The following GNAQ variants were observed in gnomAD, a reference collection of about 807,000 sequenced individuals.
GNAQ encodes guanine nucleotide-binding protein G(q) subunit alpha.
In GNAQ, 8 loss-of-function variants were observed where a neutral mutation model predicts 43.9. That is an observed-to-expected ratio of 0.18 (90% confidence interval 0.11 to 0.33). GNAQ has a LOEUF of 0.33. GNAQ is among the 10% of genes least tolerant of loss of function. The pLI is 1.00. For synonymous variants in GNAQ, 155 were observed against 170.7 expected (o/e 0.91, Z 0.71); for missense variants, 158 against 450.8 (o/e 0.35, Z 5.88).
At chr9:77,957,468 C>T (rs897505677) in intron 1 of GNAQ, among the ~76,000 whole-genome samples, 7 of 152,154 alleles carry the variant, frequency 4.6e-5, no homozygotes, top group Non-Finnish European at 7.3e-5. Context: ...GCATTCATTA[C>T]GTAACTTTGC....
intron 2 of GNAQ, among the ~76,000 whole-genome samples, chr9:77,859,249 A>G (rs1827806640): frequency 6.6e-6 from 1 of 152,246 alleles, no homozygotes; most frequent in Non-Finnish European, 1.5e-5. Context: ...CTGCTGATGA[A>G]TAACAAAATG....
At chr9:77,743,406 T>C (rs1286012969) in intron 5 of GNAQ, among the ~76,000 whole-genome samples, 1 of 151,950 alleles carries the variant, frequency 6.6e-6, no homozygotes, top group African/African-American at 2.4e-5. Context: ...AGAATGGAAA[T>C]AGGTGGGAAA....
At chr9:78,020,522 C>A (rs1823895250) in intron 1 of GNAQ, among the ~76,000 whole-genome samples, 1 of 152,156 alleles carries the variant, frequency 6.6e-6, no homozygotes, top group Non-Finnish European at 1.5e-5. Flanking sequence ...CATCTCCCAA[C>A]CCACCATCTG....
At chr9:77,869,450 T>C (rs1325958000) in intron 2 of GNAQ, among the ~76,000 whole-genome samples, 3 of 152,204 alleles carry the variant, frequency 2.0e-5, no homozygotes, top group Admixed American at 6.5e-5. Flanking sequence ...AAAGGTTAAA[T>C]AAATTTAATC....
intron 5 of GNAQ, among the ~76,000 whole-genome samples, chr9:77,785,112 G>T (rs540971716): frequency 1.3e-5 from 2 of 152,188 alleles, no homozygotes; most frequent in Admixed American, 1.3e-4. Flanking sequence ...TATCAAGAGG[G>T]TCTTTGCTGT....
chr9:77,925,944 A>C (rs936823122), intron 1 of GNAQ, among the ~76,000 whole-genome samples: 1 of 152,186 alleles, frequency 6.6e-6, no homozygotes, highest in Admixed American at 6.5e-5. Flanking sequence ...ATAATACCTA[A>C]TACAATGTAA....
At chr9:77,845,612 G>C (rs1827572485) in intron 2 of GNAQ, among the ~76,000 whole-genome samples, 1 of 152,034 alleles carries the variant, frequency 6.6e-6, no homozygotes, top group African/African-American at 2.4e-5. Context: ...TCACTATAAG[G>C]CTTGTATCTA....
intron 1 of GNAQ, among the ~76,000 whole-genome samples, chr9:77,962,166 T>C (rs375693180): frequency 1.3e-5 from 2 of 151,856 alleles, no homozygotes; most frequent in African/African-American, 4.8e-5. Context: ...AAACGAGCAG[T>C]CTCAGTGTGG....
intron 5 of GNAQ, among the ~76,000 whole-genome samples, chr9:77,743,086 C>T (rs1360332139): frequency 1.3e-5 from 2 of 152,026 alleles, no homozygotes; most frequent in African/African-American, 2.4e-5. Flanking sequence ...GGTGAAACCC[C>T]GTCTCTACTA....
chr9:77,969,625 C>T (rs1039115415), intron 1 of GNAQ, among the ~76,000 whole-genome samples: 1 of 152,148 alleles, frequency 6.6e-6, no homozygotes, highest in Non-Finnish European at 1.5e-5. Flanking sequence ...TTTTAAATAT[C>T]GCACAGCAAA....
At chr9:77,861,763 G>A (rs1309799721) in intron 2 of GNAQ, among the ~76,000 whole-genome samples, 1 of 152,180 alleles carries the variant, frequency 6.6e-6, no homozygotes, top group African/African-American at 2.4e-5. Context: ...CACACTTTGG[G>A]AGGCTGAGGC....
intron 6 of GNAQ, among the ~76,000 whole-genome samples, chr9:77,726,963 G>T (rs902893685): frequency 1.9e-4 from 29 of 152,170 alleles, no homozygotes; most frequent in African/African-American, 7.0e-4. Context: ...TGCTGTTATG[G>T]TGTGAAAGCA....
chr9:77,835,405 A>T (rs1827367121), intron 2 of GNAQ, among the ~76,000 whole-genome samples: 1 of 152,058 alleles, frequency 6.6e-6, no homozygotes, highest in Non-Finnish European at 1.5e-5. Flanking sequence ...TTCAGACTAG[A>T]AGGGAGAGGC....
At chr9:77,774,336 C>T (rs998476456) in intron 5 of GNAQ, among the ~76,000 whole-genome samples, 1 of 152,120 alleles carries the variant, frequency 6.6e-6, no homozygotes, top group Admixed American at 6.6e-5. Flanking sequence ...AATACTGCTA[C>T]GTTTGCTAAG....
chr9:77,921,086 C>T lies in GNAQ; in HGVS notation c.321+1075G>A, dbSNP rs569979108. 8.5e-5 allele frequency among the ~76,000 whole-genome samples: 13 copies of T among 152,232 alleles called. No individual in the cohort carries two copies. In the South Asian group the frequency reaches 2.7e-3, roughly 32 times the overall value. ...GAGAATGAAAATTTCTTATTGAAGG[C>T]TCTAAAATAATTATAGGTATAAATG... On this transcript the variant is annotated intron_variant, in intron 2 of 6. Coordinates refer to ENST00000286548, the MANE Select transcript of GNAQ (RefSeq NM_002072.5).
chr9:77,878,117 T>G (rs1283030616), intron 2 of GNAQ, among the ~76,000 whole-genome samples: 1 of 152,192 alleles, frequency 6.6e-6, no homozygotes, highest in African/African-American at 2.4e-5. Context: ...AAATAATTGT[T>G]GAATGAATTA....
chr9:77,940,346 C>T (rs1288979765), intron 1 of GNAQ, among the ~76,000 whole-genome samples: 1 of 152,064 alleles, frequency 6.6e-6, no homozygotes, highest in Non-Finnish European at 1.5e-5. Flanking sequence ...TTTAGGAGGC[C>T]AAAGCGAGTG....
chr9:77,868,813 C>A (rs989466472), intron 2 of GNAQ, among the ~76,000 whole-genome samples: 2 of 151,494 alleles, frequency 1.3e-5, no homozygotes, highest in Non-Finnish European at 2.9e-5. Flanking sequence ...AAACAAAAAA[C>A]CAAAAAAGAA....
intron 5 of GNAQ, among the ~76,000 whole-genome samples, chr9:77,761,469 T>A (rs1460093541): frequency 9.2e-6 from 1 of 108,494 alleles, no homozygotes. Context: ...GCCCCCCGCC[T>A]GGCCAGTCGC....
Sources: gnomAD v4.1 joint callset for allele counts (sites outside exome capture counted in the v4.1 genomes callset) on GRCh38, gnomAD v4.1.1 for gene constraint, MANE v1.5 for transcripts, NCBI Gene and HGNC (gene_info 2026-07-23, HGNC 2026-07-21) for gene names.